The following SPTBN4 variants were observed in gnomAD, a reference collection of about 807,000 sequenced individuals.
SPTBN4 encodes the protein spectrin beta, non-erythrocytic 4.
SPTBN4 carries 96 observed loss-of-function variants against 277.8 expected under a neutral mutation model. That is an observed-to-expected ratio of 0.35 (90% CI 0.29 to 0.41). The LOEUF (loss-of-function observed/expected upper bound fraction) is 0.41. SPTBN4 is among the 10% of genes least tolerant of loss of function. The pLI, the probability that SPTBN4 is intolerant of heterozygous loss-of-function variation, is 1.00. For synonymous variants in SPTBN4, 1,481 were observed against 1,580.3 expected (o/e 0.94, Z 1.49); for missense variants, 3,006 against 3,595.7 (o/e 0.84, Z 4.19).
chr19:40,480,198 C>T (rs1238709621), intron 2 of SPTBN4, among the ~76,000 whole-genome samples: 6 of 144,450 alleles, frequency 4.2e-5, no homozygotes, highest in African/African-American at 1.0e-4. Flanking sequence ...TTGCAATGAG[C>T]GGAGATCAAG....
chr19:40,538,052 G>A (rs2145906557), intron 20 of SPTBN4, among the ~76,000 whole-genome samples: 1 of 152,334 alleles, frequency 6.6e-6, no homozygotes, highest in Non-Finnish European at 1.5e-5. Flanking sequence ...TTGGAACTTG[G>A]AAGGGGAGAG....
chr19:40,501,356 G>A (rs1477377485), intron 7 of SPTBN4, among the ~76,000 whole-genome samples: 16 of 152,116 alleles, frequency 1.1e-4, no homozygotes, highest in Admixed American at 9.8e-4. Context: ...TGAGGTGGAA[G>A]GTAGAAAGGT....
At position 40,570,699 on chromosome 19, in the gene SPTBN4, G is replaced by T; in HGVS notation, c.7290G>T (p.Glu2430Asp). The T allele has an allele frequency of 6.2e-7, 1 of 1,608,288 alleles. No homozygotes were observed. ...AGGGCTTCCTACTGCGCAAGCGCGA[G>T]CTCGACGCTAACCGCAAGTCGTCCA... ...QHEGFLLRKRELDANRKSSNR... is the reference protein window; with the variant it reads ...QHEGFLLRKRDLDANRKSSNR... The change falls in exon 33 of 36, where the codon GAG (glutamate) becomes GAT (aspartate). Residue 2430 changes from glutamate to aspartate, a missense_variant. Glu to Asp is a conservative substitution (Grantham distance 45). This residue lies in a region of SPTBN4 where 630 missense variants were observed against 677.6 expected (regional missense o/e 0.93). Coordinates refer to ENST00000598249, the MANE Select transcript of SPTBN4 (RefSeq NM_020971.3).
intron 26 of SPTBN4, 32 bp downstream of exon 26, chr19:40,557,435 G>C: frequency 1.3e-6 from 2 of 1,530,592 alleles, no homozygotes; most frequent in Non-Finnish European, 1.8e-6. Context: ...GGGCAGGTGG[G>C]AGGGCCTGGA....
At chr19:40,497,235 C>T (rs2080209568) in intron 6 of SPTBN4, among the ~76,000 whole-genome samples, 1 of 152,104 alleles carries the variant, frequency 6.6e-6, no homozygotes, top group Non-Finnish European at 1.5e-5. Flanking sequence ...ACCCATTCGT[C>T]TGTGTGCACA....
chr19:40,527,099 G>A (rs1599766892), intron 17 of SPTBN4, among the ~76,000 whole-genome samples: 1 of 152,096 alleles, frequency 6.6e-6, no homozygotes, highest in Non-Finnish European at 1.5e-5. Context: ...CCTTCTCTCT[G>A]GTTCTGTCTC....
rs1288205141 is a variant in SPTBN4 at position 40,572,196 on chromosome 19, A to C, written c.7493+4A>C. On this transcript the variant is annotated splice_donor_region_variant and intron_variant, in intron 34 of 35. Transcript: ENST00000598249. ...AGAAGCATGTCTTCAAGCTCCAGTG[A>C]GCCCCCCAATGGGCAGGAGGGAGGG... 1 of 1,595,158 alleles carries C rather than the reference A, an allele frequency of 6.3e-7. No homozygotes were observed. Among genetic ancestry groups the C allele is most frequent in the Non-Finnish European group, 8.6e-7 (1 of 1,168,096 alleles).
intron 6 of SPTBN4, among the ~76,000 whole-genome samples, chr19:40,496,793 C>G (rs1446589969): frequency 1.3e-5 from 2 of 152,054 alleles, no homozygotes; most frequent in African/African-American, 4.8e-5. Flanking sequence ...TGTGTCCTGG[C>G]CAGACGCAGT....
Position 40,575,589 on chromosome 19 carries a change from G to C in SPTBN4, c.*20G>C, listed in dbSNP as rs751843577. The C allele has an allele frequency of 6.3e-7, 1 of 1,599,258 alleles. No homozygotes were observed. Among genetic ancestry groups the C allele is most frequent in the South Asian group, 1.1e-5 (1 of 89,790 alleles). On this transcript the variant is annotated 3_prime_UTR_variant, in exon 36 of 36. Transcript: ENST00000598249. Reference sequence around the variant, plus strand: ...AAGTGACTTCCCACCCCCAGGACCTGACACATCTCGTCTCCCCTCTTTTCC... The same window carrying C: ...AAGTGACTTCCCACCCCCAGGACCTCACACATCTCGTCTCCCCTCTTTTCC...
chr19:40,571,082 A>G, intron 33 of SPTBN4: 1 of 225,224 alleles, frequency 4.4e-6, no homozygotes, highest in Non-Finnish European at 9.0e-6. Flanking sequence ...ACAGAAGGAA[A>G]ATGTTCTGAA....
intron 27 of SPTBN4, among the ~76,000 whole-genome samples, chr19:40,562,928 C>G (rs1466305560): frequency 6.6e-6 from 1 of 152,112 alleles, no homozygotes; most frequent in African/African-American, 2.4e-5. Context: ...TTTGGCCAAT[C>G]TAGCCAAAAG....
chr19:40,566,309 G>A lies in SPTBN4; in HGVS notation c.6286G>A (p.Ala2096Thr). The change falls in exon 30 of 36, where the codon GCG (alanine) becomes ACG (threonine). Residue 2096 changes from alanine (A) to threonine (T), a missense_variant. Transcript: ENST00000598249. ...CCGGCGACATGAGGCCTTCCGCAAA[G>A]CGGCTGCAGCCTGGGAAGAGAGGTT... ...LIRRHEAFRK[A>T]AAAWEERFSS... 1 of 1,593,962 alleles carries A rather than the reference G, an allele frequency of 6.3e-7. No homozygotes were observed.
At chr19:40,534,537 G>A (rs2080713686) in intron 20 of SPTBN4, 194 bp downstream of exon 20, 5 of 683,560 alleles carry the variant, frequency 7.3e-6, no homozygotes, top group Non-Finnish European at 1.2e-5. Flanking sequence ...CACTCCCTAA[G>A]GTATGGAGTA....
At chr19:40,551,432 C>T (rs1003446755) in intron 22 of SPTBN4, among the ~76,000 whole-genome samples, 1 of 151,828 alleles carries the variant, frequency 6.6e-6, no homozygotes, top group Non-Finnish European at 1.5e-5. Context: ...TCCCCCAAAA[C>T]AAACAAACAA....
intron 20 of SPTBN4, among the ~76,000 whole-genome samples, chr19:40,547,469 G>C (rs2080871309): frequency 1.3e-5 from 2 of 152,146 alleles, no homozygotes; most frequent in Admixed American, 6.6e-5. Context: ...TTGCTAATGT[G>C]AATAGTGCCA....
At chr19:40,550,157 C>T (rs1010752795) in intron 21 of SPTBN4, 81 bp from the exon 22 acceptor site, 50 of 1,152,866 alleles carry the variant, frequency 4.3e-5, no homozygotes, top group African/African-American at 4.2e-4. Context: ...CCTGGGATGC[C>T]GTGCAGGTTT....
At chr19:40,493,137 G>A in intron 5 of SPTBN4, 83 bp downstream of exon 5, 1 of 1,340,412 alleles carries the variant, frequency 7.5e-7, no homozygotes, top group Non-Finnish European at 1.1e-6. Context: ...AAGAGCTCAA[G>A]GGGCAGCCCA....
chr19:40,501,963 A>G lies in SPTBN4; in HGVS notation c.827A>G (p.Tyr276Cys). The G allele has an allele frequency of 1.2e-6, 2 of 1,614,204 alleles. No individual in the cohort carries two copies. The highest frequency in any genetic ancestry group is 1.7e-6 in the Non-Finnish European group (2 of 1,180,040). The change falls in exon 8 of 36, where the codon TAC becomes TGC. Residue 276 changes from tyrosine to cysteine, a missense_variant. Transcript: ENST00000598249. ...EAPDEKSIIT[Y>C]VVSFYHYFSK... ...CCAGATGAGAAGTCCATCATCACCT[A>G]CGTGGTCTCTTTCTACCACTATTTC...
At chr19:40,573,743 C>T (rs1329856163) in intron 35 of SPTBN4, among the ~76,000 whole-genome samples, 2 of 151,984 alleles carry the variant, frequency 1.3e-5, no homozygotes, top group African/African-American at 2.4e-5. Flanking sequence ...GCAGAGGTTG[C>T]AGTGAGCTGA....
Sources: gnomAD v4.1 joint callset for allele counts (sites outside exome capture counted in the v4.1 genomes callset) on GRCh38, gnomAD v4.1.1 for gene constraint, gnomAD v4.1.1 regional missense constraint, MANE v1.5 for transcripts, NCBI Gene and HGNC (gene_info 2026-07-23, HGNC 2026-07-21) for gene names.